BCL6: variants seen among roughly 807,000 people sequenced by gnomAD.
The protein encoded by BCL6 is BCL6 transcription repressor.
A neutral mutation model predicts 59.5 loss-of-function variants in BCL6; 7 were observed. The ratio of observed to expected loss-of-function variants is 0.12; its 90% CI spans 0.07 to 0.22. The LOEUF (loss-of-function observed/expected upper bound fraction) is 0.22. Ranked by LOEUF, BCL6 falls within the 10% of genes least tolerant of loss-of-function variation. The probability of loss-of-function intolerance (pLI) is 1.00; values close to 1 mark genes in which losing one functional copy is unlikely to be tolerated. For missense variants in BCL6, 685 were observed against 939.4 expected (o/e 0.73, Z 3.54); for synonymous variants, 339 against 349.7 (o/e 0.97, Z 0.34).
intron 1 of BCL6, among the ~76,000 whole-genome samples, chr3:187,743,327 TGGGGTGGCGG>T (rs1474638812): frequency 1.9e-5 from 2 of 107,772 alleles, no homozygotes; most frequent in Non-Finnish European, 3.9e-5. Flanking sequence ...TGGCGGGTTG[TGGGGTGGCGG>T]GGGCCGGCGG....
chr3:187,731,962 G>C, intron 3 of BCL6, 32 bp from the exon 4 acceptor site: 1 of 1,569,390 alleles, frequency 6.4e-7, no homozygotes. Flanking sequence ...CACTATAGTA[G>C]ACATATCGAA....
In BCL6 at chr3:187,731,816, T is replaced by G. The variant is rs748221363; in HGVS notation, c.276A>C (p.Thr92=). Residue 92 remains threonine (T), a synonymous_variant, in exon 4 of 10, where the codon ACA becomes ACC. Coordinates refer to ENST00000406870, the MANE Select transcript of BCL6 (RefSeq NM_001706.5). The stretch of plus-strand genomic sequence containing the variant: ...TGCCCTCCCGCAAATTGAGCCGAGA[T>G]GTGTACATGAAGTCCAGGAGGATGC... ...GFCILLDFMY[T]SRLNLREGNI... 5 of 1,614,172 alleles carry G rather than the reference T, an allele frequency of 3.1e-6. No individual in the cohort carries two copies. Among genetic ancestry groups the G allele is most frequent in the Non-Finnish European group, 4.2e-6 (5 of 1,180,040 alleles).
chr3:187,724,949 G>A lies in BCL6; in HGVS notation c.1969C>T (p.Pro657Ser). The A allele has an allele frequency of 6.2e-7, 1 of 1,614,194 alleles. No homozygotes were observed. Residue 657 changes from proline to serine, a missense_variant, in exon 9 of 10, where the codon CCT becomes TCT. Transcript: ENST00000406870. ...SHLRIHTGEKPYHCEKCNLHF... is the reference protein window; with the variant it reads ...SHLRIHTGEKSYHCEKCNLHF... Reference sequence around the variant, plus strand: ...TCAAGAGGCTTACGTACATGGTAAGGTTTCTCTCCTGTGTGGATTCGCAGG... The same window carrying A: ...TCAAGAGGCTTACGTACATGGTAAGATTTCTCTCCTGTGTGGATTCGCAGG...
chr3:187,745,267 A>G (rs541979346), intron 1 of BCL6, 143 bp downstream of exon 1: 1 of 398,492 alleles, frequency 2.5e-6, no homozygotes, highest in Non-Finnish European at 4.4e-6. Context: ...ACTTGGAGCC[A>G]AAGCATTTGG....
At chr3:187,735,243 A>C (rs1719232655) in intron 1 of BCL6, among the ~76,000 whole-genome samples, 1 of 152,226 alleles carries the variant, frequency 6.6e-6, no homozygotes, top group Admixed American at 6.5e-5. Flanking sequence ...GGAAAGAAAA[A>C]ATAAGAAAAA....
At chr3:187,724,874 G>GCTCCACCTCCTTCCCTGCC (rs199744143) in intron 9 of BCL6, 67 bp downstream of exon 9, 60,119 of 1,593,436 alleles carry the variant, frequency 0.038, 1,696 homozygotes, top group Admixed American at 0.14. Flanking sequence ...CCTTCCCTGC[G>GCTCCACCTCCTTCCCTGCC]CTCCACCTCC....
chr3:187,730,130 A>G, intron 4 of BCL6, 109 bp from the exon 5 acceptor site: 7 of 1,414,740 alleles, frequency 4.9e-6, no homozygotes, highest in Admixed American at 5.5e-5. Context: ...TTAGCTAGAC[A>G]TAGGTGACGT....
intron 1 of BCL6, among the ~76,000 whole-genome samples, chr3:187,745,092 C>A (rs1711865534): frequency 6.6e-6 from 1 of 152,068 alleles, no homozygotes; most frequent in South Asian, 2.1e-4. Context: ...AAAAGCCTCC[C>A]CAAACCGGCC....
At chr3:187,733,158 C>A (rs754587878) in intron 3 of BCL6, among the ~76,000 whole-genome samples, 16 of 152,234 alleles carry the variant, frequency 1.1e-4, no homozygotes, top group Middle Eastern at 6.8e-3. Context: ...CATAAAAGAG[C>A]AAAACATTTC....
intron 1 of BCL6, among the ~76,000 whole-genome samples, 186 bp downstream of exon 1, chr3:187,745,224 A>G (rs534796636): frequency 3.9e-5 from 6 of 152,284 alleles, no homozygotes; most frequent in East Asian, 3.9e-4. Flanking sequence ...ATAAATAAAT[A>G]TATACATTTA....
At chr3:187,744,867 C>G (rs575553483) in intron 1 of BCL6, among the ~76,000 whole-genome samples, 6 of 152,158 alleles carry the variant, frequency 3.9e-5, no homozygotes, top group South Asian at 2.1e-4. Context: ...CCGCACGAAT[C>G]CAGAGAGATC....
intron 1 of BCL6, among the ~76,000 whole-genome samples, chr3:187,744,318 C>T (rs1711767326): frequency 6.6e-6 from 1 of 151,666 alleles, no homozygotes; most frequent in Non-Finnish European, 1.5e-5. Context: ...GTGCGCACCC[C>T]TTTCCCACCC....
At chr3:187,743,286 C>T (rs1040275440) in intron 1 of BCL6, among the ~76,000 whole-genome samples, 1 of 148,994 alleles carries the variant, frequency 6.7e-6, no homozygotes, top group Non-Finnish European at 1.5e-5. Flanking sequence ...AAACTATAAA[C>T]TGAAAAAAAA....
chr3:187,725,716 T>A lies in BCL6; in HGVS notation c.1709-87A>T. ...GTGGCTCCTGGATTTCTAAGCAGCC[T>A]GCTCCTCCCTGAGGCCACTTGTGTT... On this transcript the variant is annotated intron_variant, in intron 7 of 9. Coordinates refer to ENST00000406870, the MANE Select transcript of BCL6 (RefSeq NM_001706.5). The surrounding 1 kb of genome is among the most constrained non-coding windows in gnomAD (Gnocchi z 4.7). The A allele has an allele frequency of 6.6e-7, 1 of 1,520,508 alleles. No individual in the cohort carries two copies. Among genetic ancestry groups the A allele is most frequent in the South Asian group, 1.2e-5 (1 of 84,878 alleles). The allele number at this position is 1,520,508 out of a possible 1,614,324, so 94.2% of individuals were successfully genotyped here.
intron 1 of BCL6, among the ~76,000 whole-genome samples, 184 bp downstream of exon 1, chr3:187,745,226 A>C (rs574643094): frequency 1.3e-5 from 2 of 152,294 alleles, no homozygotes; most frequent in South Asian, 2.1e-4. Flanking sequence ...AAATAAATAT[A>C]TACATTTATA....
Position 187,740,581 on chromosome 3 carries a change from C to G in BCL6, c.-50+4829G>C, listed in dbSNP as rs200594900. On this transcript the variant is annotated intron_variant, in intron 1 of 9. Transcript: ENST00000406870. ...TACTTCTAAGGAGCTGAGATAAACC[C>G]GCCTTTGGCTTTCAGTCACTGACAT... Among the ~76,000 whole-genome samples, 4 of 152,280 alleles carry G rather than the reference C, an allele frequency of 2.6e-5. No homozygotes were observed. In the East Asian group the frequency reaches 5.8e-4, roughly 22 times the overall value.
rs1444989309 is a variant in BCL6 at position 187,729,646 on chromosome 3, C to T, written c.759G>A (p.Val253=). ...SRPTLEVSPN[V]CHSNIYSPKE... is the part of the protein sequence containing the mutation. ...TGGGTGAATAGATATTGCTGTGGCA[C>T]ACATTGGGGGACACCTCCAAAGTCG... is the stretch of plus-strand genomic sequence containing the variant. The change falls in exon 5 of 10, where the codon GTG becomes GTA. Residue 253 remains valine (V), a synonymous_variant. Coordinates refer to ENST00000406870, the MANE Select transcript of BCL6 (RefSeq NM_001706.5). This position sits in a 1 kb window ranked among gnomAD's most constrained non-coding sequence, Gnocchi z 5.6. 1.8e-5 allele frequency: 29 copies of T among 1,614,060 alleles called. No individual in the cohort carries two copies. The highest frequency in any genetic ancestry group is 2.4e-5 in the Non-Finnish European group (28 of 1,180,044).
chr3:187,741,568 G>A (rs891166766), intron 1 of BCL6, among the ~76,000 whole-genome samples: 2 of 152,088 alleles, frequency 1.3e-5, no homozygotes, highest in African/African-American at 2.4e-5. Context: ...GGGTTGGGAG[G>A]GGCCGTTCCT....
chr3:187,731,573 G>T, intron 4 of BCL6, 136 bp downstream of exon 4: 1 of 837,456 alleles, frequency 1.2e-6, no homozygotes, highest in Non-Finnish European at 1.9e-6. Context: ...AAGAGCAGAA[G>T]TGTGCAACAA....
Sources: allele counts gnomAD v4.1 joint callset (sites outside exome capture counted in the v4.1 genomes callset), GRCh38; gene constraint gnomAD v4.1.1; non-coding constraint Gnocchi (gnomAD v3.1); transcripts MANE v1.5; gene names NCBI Gene and HGNC (gene_info 2026-07-23, HGNC 2026-07-21).